Variants in VPS13B observed in about 807,000 individuals in gnomAD.
The protein encoded by VPS13B is intermembrane lipid transfer protein VPS13B.
Under a neutral mutation model 426.4 loss-of-function variants are expected in VPS13B, and 285 were observed. The observed-to-expected ratio is 0.67, with a 90% confidence interval of 0.61 to 0.74. VPS13B has a LOEUF of 0.74. VPS13B is among the 30% of genes least tolerant of loss of function. The pLI, the probability that VPS13B is intolerant of heterozygous loss-of-function variation, is 0.00. For synonymous variants in VPS13B, 1,676 were observed against 1,676.4 expected (o/e 1.00, Z 0.01); for missense variants, 4,537 against 4,782.6 (o/e 0.95, Z 1.51).
At chr8:99,630,092 G>A (rs1828780154) in intron 33 of VPS13B, among the ~76,000 whole-genome samples, 1 of 152,104 alleles carries the variant, frequency 6.6e-6, no homozygotes, top group African/African-American at 2.4e-5. Flanking sequence ...TTATGACATG[G>A]TGCCTGAGAA....
chr8:99,304,463 T>C (rs1221061378), intron 19 of VPS13B, among the ~76,000 whole-genome samples: 3 of 152,154 alleles, frequency 2.0e-5, no homozygotes, highest in Non-Finnish European at 4.4e-5. Flanking sequence ...GGAATTGATA[T>C]TGTGTACCCA....
In VPS13B at chr8:99,737,250, A is replaced by T. The variant is rs1312417320; in HGVS notation, c.7050+16203A>T. Among the ~76,000 whole-genome samples, 11 of 149,344 alleles carry T rather than the reference A, an allele frequency of 7.4e-5. No individual in the cohort carries two copies. The East Asian group carries it at 2.2e-3, about 30-fold the overall frequency. ...ATTCTCCTGCCTCAGCCTCCCAAGT[A>T]GCTGGGATTACAGGTGCCCGCCACC... On this transcript the variant is annotated intron_variant, in intron 39 of 61. Coordinates refer to ENST00000357162, the MANE Select transcript of VPS13B (RefSeq NM_152564.5).
intron 35 of VPS13B, among the ~76,000 whole-genome samples, chr8:99,664,492 G>T (rs554522043): frequency 4.7e-5 from 7 of 149,406 alleles, no homozygotes; most frequent in Admixed American, 1.3e-4. Flanking sequence ...AACAGTCCCC[G>T]GTGTGTGATG....
chr8:99,397,397 C>T (rs536713066), intron 21 of VPS13B, among the ~76,000 whole-genome samples: 21 of 152,270 alleles, frequency 1.4e-4, no homozygotes, highest in African/African-American at 4.8e-4. Context: ...CCCGCCTCGG[C>T]GTTCCAAAGT....
At chr8:99,769,002 GA>G (rs2130631996) in intron 40 of VPS13B, among the ~76,000 whole-genome samples, 1 of 152,272 alleles carries the variant, frequency 6.6e-6, no homozygotes, top group African/African-American at 2.4e-5. Flanking sequence ...GCATTGTAGA[GA>G]AAGCTAATGC....
chr8:99,839,227 G>A (rs1057483148), intron 54 of VPS13B, among the ~76,000 whole-genome samples: 2 of 152,166 alleles, frequency 1.3e-5, no homozygotes, highest in African/African-American at 2.4e-5. Flanking sequence ...ATTCGTAGTC[G>A]GGTCAGTGTC....
intron 14 of VPS13B, among the ~76,000 whole-genome samples, chr8:99,155,149 T>C (rs898405398): frequency 3.3e-5 from 5 of 150,716 alleles, no homozygotes; most frequent in African/African-American, 1.2e-4. Context: ...ATGGAAAAAA[T>C]ATACCATTTG....
chr8:99,198,447 C>A (rs1033927100), intron 17 of VPS13B, among the ~76,000 whole-genome samples: 1 of 151,804 alleles, frequency 6.6e-6, no homozygotes, highest in African/African-American at 2.4e-5. Flanking sequence ...TATAATTTTT[C>A]TTTTTCCTAG....
intron 17 of VPS13B, among the ~76,000 whole-genome samples, chr8:99,199,273 C>G (rs1013669551): frequency 6.6e-6 from 1 of 152,112 alleles, no homozygotes; most frequent in Non-Finnish European, 1.5e-5. Context: ...GCTCCGCCTC[C>G]TGGGTTCATG....
Position 99,832,351 on chromosome 8 carries a change from T to TTTTTTTTG in VPS13B, c.9331-11_9331-10insGTTTTTTT. On this transcript the variant is annotated splice_polypyrimidine_tract_variant and intron_variant, in intron 51 of 61. Transcript: ENST00000357162. ...TAATGTGCTCTCTGCATTTTTTTTT[T>TTTTTTTTG]TTTTTTTTTTTTTTTAGTATTTTCG... 1 of 1,462,054 alleles carries TTTTTTTTG rather than the reference T, an allele frequency of 6.8e-7. No homozygotes were observed. 90.6% of individuals were successfully genotyped at this position (1,462,054 alleles called of 1,614,324 possible). A position where few individuals can be genotyped will look rare whatever the true frequency, so the allele number is the denominator to read the frequency against.
chr8:99,057,658 G>A (rs1186763687), intron 3 of VPS13B, among the ~76,000 whole-genome samples: 1 of 151,958 alleles, frequency 6.6e-6, no homozygotes, highest in Non-Finnish European at 1.5e-5. Flanking sequence ...GAGCTAAATG[G>A]GCCTTCACCT....
chr8:99,759,593 T>A (rs576037648), intron 39 of VPS13B, among the ~76,000 whole-genome samples: 1 of 152,322 alleles, frequency 6.6e-6, no homozygotes, highest in South Asian at 2.1e-4. Flanking sequence ...GTCTCCAGAA[T>A]TGCCAACCCC....
intron 16 of VPS13B, among the ~76,000 whole-genome samples, chr8:99,172,764 A>G (rs1269330550): frequency 6.6e-6 from 1 of 152,172 alleles, no homozygotes; most frequent in African/African-American, 2.4e-5. Flanking sequence ...TTCTGATCTT[A>G]AAATGATGGA....
rs1812157261 is a variant in VPS13B, at chr8:99,784,328, A to G, written c.7793A>G (p.Glu2598Gly). The change falls in exon 43 of 62, where the codon GAG becomes GGG. Residue 2598 changes from glutamate to glycine, a missense_variant. By Grantham distance (98) the Glu-to-Gly change is moderately conservative (BLOSUM62 -2). Transcript: ENST00000357162. ...IQAWQQNKCPEVEELVFSHFV... is the reference protein window; with the variant it reads ...IQAWQQNKCPGVEELVFSHFV... Reference sequence around the variant, plus strand: ...TTTTTCTTTCAGAACAAATGCCCTGAGGTAGAGGAGTTGGTCTTCAGCCAT... The same window carrying G: ...TTTTTCTTTCAGAACAAATGCCCTGGGGTAGAGGAGTTGGTCTTCAGCCAT... The G allele has an allele frequency of 6.2e-7, 1 of 1,613,472 alleles. No homozygotes were observed. Among genetic ancestry groups the G allele is most frequent in the Admixed American group, 1.7e-5 (1 of 59,970 alleles).
intron 19 of VPS13B, among the ~76,000 whole-genome samples, chr8:99,315,681 G>T (rs1374605314): frequency 6.6e-6 from 1 of 150,780 alleles, no homozygotes; most frequent in Non-Finnish European, 1.5e-5. Context: ...CTGTTGCCCA[G>T]GCTGGAGTGC....
chr8:99,692,826 G>T (rs1412154356), intron 35 of VPS13B, among the ~76,000 whole-genome samples: 1 of 145,648 alleles, frequency 6.9e-6, no homozygotes, highest in Non-Finnish European at 1.5e-5. Context: ...AAAGAGAGAA[G>T]AATCAAATAG....
intron 39 of VPS13B, among the ~76,000 whole-genome samples, chr8:99,763,378 T>G (rs1298945992): frequency 2.0e-5 from 3 of 152,134 alleles, no homozygotes; most frequent in Non-Finnish European, 4.4e-5. Flanking sequence ...TTTTGAACAT[T>G]TGCTGTATTC....
At chr8:99,369,493 C>T (rs1813067262) in intron 19 of VPS13B, among the ~76,000 whole-genome samples, 1 of 152,098 alleles carries the variant, frequency 6.6e-6, no homozygotes, top group Non-Finnish European at 1.5e-5. Flanking sequence ...TGGGTTCTGT[C>T]AGGTTGTCCT....
At chr8:99,429,033 A>G (rs187083288) in intron 21 of VPS13B, among the ~76,000 whole-genome samples, 19 of 152,334 alleles carry the variant, frequency 1.2e-4, no homozygotes, top group Non-Finnish European at 2.4e-4. Flanking sequence ...CGCAAGGACA[A>G]AAAACCAAAC....
Sources: gnomAD v4.1 joint callset for allele counts (sites outside exome capture counted in the v4.1 genomes callset) on GRCh38, gnomAD v4.1.1 for gene constraint, MANE v1.5 for transcripts, NCBI Gene and HGNC (gene_info 2026-07-23, HGNC 2026-07-21) for gene names.